The following PER3 variants were observed in gnomAD, a reference collection of about 807,000 sequenced individuals.
PER3 encodes the protein period circadian regulator 3, also known as period circadian protein homolog 3.
PER3 carries 107 observed loss-of-function variants against 127.2 expected under a neutral mutation model. That is an observed-to-expected ratio of 0.84 (90% CI 0.72 to 0.99). The LOEUF (loss-of-function observed/expected upper bound fraction) is 0.99. PER3 is among the 50% of genes least tolerant of loss of function. PER3 has a pLI of 0.00. For synonymous variants in PER3, 618 were observed against 585.8 expected (o/e 1.05, Z -0.79); for missense variants, 1,560 against 1,525.8 (o/e 1.02, Z -0.37).
rs1470138544 is a variant in PER3 at position 7,827,735 on chromosome 1, AACTT to A, written c.2811_2814del (p.Leu937PhefsTer15). On this transcript the variant is annotated frameshift_variant, in exon 18 of 22. Transcript: ENST00000377532. LOFTEE classifies it high-confidence loss of function. ...GAGAAGCAGCTCACCCTTGCAGTTA[AACTT>A]ACTTCAGGAAGAGATGCCCAGACCC... 1 of 1,613,970 alleles carries A rather than the reference AACTT, an allele frequency of 6.2e-7. No individual in the cohort carries two copies. Among genetic ancestry groups the A allele is most frequent in the Non-Finnish European group, 8.5e-7 (1 of 1,180,030 alleles).
In PER3 at chr1:7,835,759, C is replaced by T. The variant is rs1209758368; in HGVS notation, c.3215-3C>T. 7.5e-6 allele frequency: 12 copies of T among 1,595,296 alleles called. No homozygotes were observed. Among genetic ancestry groups the T allele is most frequent in the Non-Finnish European group, 9.4e-6 (11 of 1,168,742 alleles). On this transcript the variant is annotated splice_polypyrimidine_tract_variant and splice_region_variant and intron_variant, in intron 19 of 21. Coordinates refer to ENST00000377532, the MANE Select transcript of PER3 (RefSeq NM_001377275.1). ...CTAATTATGTGTTGTTGATTTTTGA[C>T]AGGAAGCAGCGACAGCAGTATATAC...
At chr1:7,808,202 C>T (rs1193355761) in intron 10 of PER3, among the ~76,000 whole-genome samples, 1 of 135,494 alleles carries the variant, frequency 7.4e-6, no homozygotes, top group Non-Finnish European at 1.5e-5. Context: ...TACTGCACTC[C>T]AGCCTGGGTG....
Position 7,827,811 on chromosome 1 carries a change from AGTAT to A in PER3, c.2886_2886+3del, listed in dbSNP as rs1463917360. On this transcript the variant is annotated frameshift_variant and splice_region_variant, in exon 18 of 22. Coordinates refer to ENST00000377532, the MANE Select transcript of PER3 (RefSeq NM_001377275.1). LOFTEE classifies it high-confidence loss of function. The stretch of plus-strand genomic sequence containing the variant: ...AGAAGGAACACGTGCCCACAAACTG[AGTAT>A]GTAAGTGATGCTCATTTTCAACACT... 5 of 1,600,972 alleles carry A rather than the reference AGTAT, an allele frequency of 3.1e-6. No homozygotes were observed. The highest frequency in any genetic ancestry group is 4.3e-6 in the Non-Finnish European group (5 of 1,170,924).
intron 21 of PER3, among the ~76,000 whole-genome samples, chr1:7,839,009 T>G (rs572854177): frequency 2.6e-5 from 4 of 152,034 alleles, no homozygotes; most frequent in African/African-American, 7.3e-5. Context: ...CCATAAAGAT[T>G]TTTTTTTCCC....
Position 7,826,717 on chromosome 1 carries a change from A to G in PER3, c.2188+7A>G. 2.0e-6 allele frequency: 3 copies of G among 1,524,822 alleles called. No individual in the cohort carries two copies. Among genetic ancestry groups the G allele is most frequent in the Non-Finnish European group, 2.7e-6 (3 of 1,099,376 alleles). 94.5% of individuals were successfully genotyped at this position (1,524,822 alleles called of 1,614,324 possible). A position where few individuals can be genotyped will look rare whatever the true frequency, so the allele number is the denominator to read the frequency against. ...AAATATTCATATTTTCAAGGTACGT[A>G]ATTTTTTAAAAATAAATGCCATTAA... On this transcript the variant is annotated splice_region_variant and intron_variant, in intron 17 of 21. Coordinates refer to ENST00000377532, the MANE Select transcript of PER3 (RefSeq NM_001377275.1). This position sits in a 1 kb window ranked among gnomAD's most constrained non-coding sequence, Gnocchi z 4.2.
chr1:7,823,029 C>T (rs2097284621), intron 16 of PER3, among the ~76,000 whole-genome samples: 1 of 152,174 alleles, frequency 6.6e-6, no homozygotes, highest in Admixed American at 6.5e-5. Flanking sequence ...GTTCTGATCA[C>T]ATTACTGTAC....
Position 7,807,957 on chromosome 1 carries a change from G to A in PER3, c.1137-936G>A, listed in dbSNP as rs528508059. On this transcript the variant is annotated intron_variant, in intron 10 of 21. Coordinates refer to ENST00000377532, the MANE Select transcript of PER3 (RefSeq NM_001377275.1). ...TGTTATAAAAACTAGTACAGGCTGGGTGCAGTGGCACACTCCTGTAATGCC... is the reference window on the plus strand; with the variant it reads ...TGTTATAAAAACTAGTACAGGCTGGATGCAGTGGCACACTCCTGTAATGCC... Among the ~76,000 whole-genome samples the A allele has an allele frequency of 6.6e-5, 10 of 152,300 alleles. No homozygotes were observed. The East Asian group carries it at 1.9e-3, about 29-fold the overall frequency.
rs2097078078 is a variant in PER3 at position 7,784,911 on chromosome 1, C to T, written c.34C>T (p.Arg12Trp). The T allele has an allele frequency of 7.2e-6, 11 of 1,524,192 alleles. No individual in the cohort carries two copies. Among genetic ancestry groups the T allele is most frequent in the Non-Finnish European group, 6.1e-6 (7 of 1,148,648 alleles). 94.4% of individuals were successfully genotyped at this position (1,524,192 alleles called of 1,614,324 possible). ...PRGEAPGPGR[R>W]GAKDEALGEE... ...CGGGGAAGCTCCTGGCCCCGGGAGA[C>T]GGGGGGCTAAGGACGAGGCCCTGGG... Residue 12 changes from arginine (R) to tryptophan (W), a missense_variant, in exon 2 of 22, where the codon CGG (arginine) becomes TGG (tryptophan). Physicochemically the swap from Arg to Trp is moderately radical, Grantham distance 101 (BLOSUM62 -3). This residue lies in a region of PER3 where 1,332 missense variants were observed against 1,223.6 expected (regional missense o/e 1.09). Coordinates refer to ENST00000377532, the MANE Select transcript of PER3 (RefSeq NM_001377275.1).
chr1:7,829,952 GA>G lies in PER3; in HGVS notation c.3006del (p.Ser1003ArgfsTer4). 8.1e-7 allele frequency: 1 copy of G among 1,232,622 alleles called. No individual in the cohort carries two copies. Among genetic ancestry groups the G allele is most frequent in the South Asian group, 1.9e-5 (1 of 53,952 alleles). 76.4% of individuals were successfully genotyped at this position (1,232,622 alleles called of 1,614,324 possible). On this transcript the variant is annotated frameshift_variant, in exon 19 of 22. Transcript: ENST00000377532. LOFTEE classifies it high-confidence loss of function. ...SHPTASALST[G>X]SPPMKNPSHP... ...CCTACTGCCAGCGCTCTGTCCACAG[GA>G]TCGCCTCCCATGAAGAATCCATCCC...
rs776137981 is a variant in PER3 at position 7,806,057 on chromosome 1, T to C, written c.1136+2209T>C. ...AGTGTGCTGGGCCTTGAGAATGTAA[T>C]GGTAATCAAAACATTCTCTTTACCA... On this transcript the variant is annotated intron_variant, in intron 10 of 21. Coordinates refer to ENST00000377532, the MANE Select transcript of PER3 (RefSeq NM_001377275.1). 3.0e-4 allele frequency among the ~76,000 whole-genome samples: 45 copies of C among 152,202 alleles called. 1 individual carries two copies. Among genetic ancestry groups the C allele is most frequent in the Non-Finnish European group, 3.2e-4 (22 of 68,032 alleles).
At position 7,786,807 on chromosome 1, in the gene PER3, A is replaced by G. The variant is rs993183058; in HGVS notation, c.361A>G (p.Ile121Val). 1.2e-5 allele frequency: 20 copies of G among 1,606,230 alleles called. No individual in the cohort carries two copies. The Middle Eastern group carries it at 5.0e-4, about 40-fold the overall frequency. ...SMYSLEELAT[I>V]ASEHTSKNTD... ...GTACAGTCTTGAGGAGCTGGCCACTATCGCTTCAGAACACACTTCCAAAAA... is the reference window on the plus strand; with the variant it reads ...GTACAGTCTTGAGGAGCTGGCCACTGTCGCTTCAGAACACACTTCCAAAAA... The change falls in exon 4 of 22, where the codon ATC (isoleucine) becomes GTC (valine). Residue 121 changes from isoleucine (I) to valine (V), a missense_variant. By Grantham distance (29) the Ile-to-Val change is conservative. This residue lies in a region of PER3 where 1,332 missense variants were observed against 1,223.6 expected (regional missense o/e 1.09). Coordinates refer to ENST00000377532, the MANE Select transcript of PER3 (RefSeq NM_001377275.1).
intron 13 of PER3, among the ~76,000 whole-genome samples, chr1:7,813,848 C>T (rs923251231): frequency 6.6e-6 from 1 of 152,066 alleles, no homozygotes; most frequent in African/African-American, 2.4e-5. Context: ...GAGACAAAAC[C>T]ATCATCAGAA....
rs374450338 is a variant in PER3, at chr1:7,842,710, T to G, written c.3588T>G (p.Gly1196=). 47 of 1,613,444 alleles carry G rather than the reference T, an allele frequency of 2.9e-5. No individual in the cohort carries two copies. Among genetic ancestry groups the G allele is most frequent in the Non-Finnish European group, 3.9e-5 (46 of 1,179,606 alleles). Residue 1196 remains glycine, a synonymous_variant, in exon 22 of 22, where the codon GGT becomes GGG. Coordinates refer to ENST00000377532, the MANE Select transcript of PER3 (RefSeq NM_001377275.1). ...GTGAAAATGAAGATTCAGCTGATGG[T>G]GCGGCCACATCCTGTGGTCAGGTTC... ...VTCENEDSAD[G]AATSCGQVLV...
rs574427134 is a variant in PER3, at chr1:7,809,794, G to A, written c.1243-99G>A. On this transcript the variant is annotated intron_variant, in intron 11 of 21. Coordinates refer to ENST00000377532, the MANE Select transcript of PER3 (RefSeq NM_001377275.1). ...GCACACACCTAATTTAGTATTTCAG[G>A]AATTGTCATCTTAATTTTTACATGA... The A allele has an allele frequency of 6.5e-5, 74 of 1,138,786 alleles. 1 individual carries two copies. In the South Asian group the frequency reaches 1.1e-3, roughly 17 times the overall value. The allele number at this position is 1,138,786 out of a possible 1,614,324, so 70.5% of individuals were successfully genotyped here.
rs2097271993 is a variant in PER3, at chr1:7,820,603, C to T, written c.1920C>T (p.Tyr640=). The T allele has an allele frequency of 6.2e-7, 1 of 1,614,034 alleles. No individual in the cohort carries two copies. Among genetic ancestry groups the T allele is most frequent in the South Asian group, 1.1e-5 (1 of 91,060 alleles). The part of the protein sequence containing the change: ...SLGSGISQCG[Y]SSTIVHVPPP... The stretch of plus-strand genomic sequence containing the variant: ...GGTCGGGCATAAGCCAATGCGGTTA[C>T]AGCAGCACCATTGTCCATGTCCCAC... The change falls in exon 16 of 22, where the codon TAC becomes TAT. Residue 640 remains tyrosine, a synonymous_variant. Transcript: ENST00000377532.
rs559800857 is a variant in PER3 at position 7,787,967 on chromosome 1, C to T, written c.391-78C>T. ...TTAAGATACTGGTCATGTTAGAGAT[C>T]CAGAAGAAATTTACCTTTCAGGGAA... is the stretch of plus-strand genomic sequence containing the variant. On this transcript the variant is annotated intron_variant, in intron 4 of 21. Transcript: ENST00000377532. 9.6e-6 allele frequency: 10 copies of T among 1,042,276 alleles called. No individual in the cohort carries two copies. The East Asian group carries it at 2.4e-4, about 25-fold the overall frequency. 64.6% of individuals were successfully genotyped at this position (1,042,276 alleles called of 1,614,324 possible). A position where few individuals can be genotyped will look rare whatever the true frequency, so the allele number is the denominator to read the frequency against.
chr1:7,817,491 G>A (rs2097256840), intron 13 of PER3, among the ~76,000 whole-genome samples: 2 of 152,220 alleles, frequency 1.3e-5, no homozygotes, highest in South Asian at 2.1e-4. Context: ...GCAAGTTGGT[G>A]TATTCGTTTC....
chr1:7,815,818 G>A (rs1266722495), intron 13 of PER3, among the ~76,000 whole-genome samples: 10 of 145,600 alleles, frequency 6.9e-5, no homozygotes, highest in South Asian at 2.2e-4. Context: ...ACTCTGTCTC[G>A]ACTAAAAATA....
chr1:7,785,331 G>A, intron 2 of PER3, 110 bp from the exon 3 acceptor site: 3 of 820,754 alleles, frequency 3.7e-6, no homozygotes, highest in South Asian at 1.7e-5. Flanking sequence ...CCTGTGGACT[G>A]ATGCCGGTAG....
Sources: gnomAD v4.1 joint callset for allele counts (sites outside exome capture counted in the v4.1 genomes callset) on GRCh38, gnomAD v4.1.1 for gene constraint, gnomAD v4.1.1 regional missense constraint, Gnocchi (gnomAD v3.1) non-coding constraint, MANE v1.5 for transcripts, NCBI Gene and HGNC (gene_info 2026-07-23, HGNC 2026-07-21) for gene names.